Variants in PDE7B observed in about 807,000 individuals in gnomAD.
PDE7B encodes phosphodiesterase 7B.
In PDE7B, 29 loss-of-function variants were observed where a neutral mutation model predicts 56.2. The observed-to-expected ratio is 0.52, with a 90% confidence interval of 0.38 to 0.70. PDE7B has a LOEUF of 0.70. Ranked by LOEUF, PDE7B falls within the 30% of genes least tolerant of loss-of-function variation. The pLI is 0.00. For synonymous variants in PDE7B, 197 were observed against 196.9 expected (o/e 1.00, Z 0.00); for missense variants, 490 against 565.0 (o/e 0.87, Z 1.35).
At chr6:136,032,893 C>A (rs140100794) in intron 2 of PDE7B, among the ~76,000 whole-genome samples, 86 of 152,184 alleles carry the variant, frequency 5.7e-4, no homozygotes, top group African/African-American at 2.0e-3. Context: ...TAGATAAGGC[C>A]CCAAATTTGG....
At chr6:136,121,982 T>C (rs1436871311) in intron 3 of PDE7B, among the ~76,000 whole-genome samples, 1 of 152,140 alleles carries the variant, frequency 6.6e-6, no homozygotes, top group Non-Finnish European at 1.5e-5. Flanking sequence ...AGTGATGGTC[T>C]TGAATGCCAA....
chr6:136,163,299 A>C (rs530845622), intron 8 of PDE7B, among the ~76,000 whole-genome samples: 2 of 151,474 alleles, frequency 1.3e-5, no homozygotes, highest in South Asian at 4.2e-4. Flanking sequence ...ACTCAACACC[A>C]TGTGGAAGTC....
At chr6:135,892,686 C>T (rs373224544) in intron 1 of PDE7B, among the ~76,000 whole-genome samples, 16 of 152,252 alleles carry the variant, frequency 1.1e-4, no homozygotes, top group African/African-American at 3.6e-4. Context: ...AATTGATTGA[C>T]ATCTAACATG....
rs565607512 is a variant in PDE7B, at chr6:136,106,509, T to C, written c.83-2222T>C. ...CACTGACTATAAGCTGAAAGCACCATAAACTTAGGCAGCTCAATTAAAGTC... is the reference window on the plus strand; with the variant it reads ...CACTGACTATAAGCTGAAAGCACCACAAACTTAGGCAGCTCAATTAAAGTC... On this transcript the variant is annotated intron_variant, in intron 2 of 12. Coordinates refer to ENST00000308191, the MANE Select transcript of PDE7B (RefSeq NM_018945.4). 2.8e-4 allele frequency among the ~76,000 whole-genome samples: 42 copies of C among 152,284 alleles called. 1 individual carries two copies. The highest frequency in any genetic ancestry group is 9.9e-4 in the African/African-American group (41 of 41,544).
chr6:136,144,077 CATAGGA>C (rs1444854989), intron 3 of PDE7B, among the ~76,000 whole-genome samples: 9 of 151,982 alleles, frequency 5.9e-5, no homozygotes, highest in Non-Finnish European at 1.5e-5. Context: ...TTATACGTAA[CATAGGA>C]ATAATTTATT....
intron 1 of PDE7B, among the ~76,000 whole-genome samples, chr6:135,860,583 GTTAC>G (rs1775126632): frequency 6.6e-6 from 1 of 151,990 alleles, no homozygotes; most frequent in Non-Finnish European, 1.5e-5. Flanking sequence ...CCATGAAGAA[GTTAC>G]TTAATCTCTC....
In PDE7B at chr6:136,155,508, G is replaced by A. The variant is rs1318429586; in HGVS notation, c.580-119G>A. 1.5e-5 allele frequency: 12 copies of A among 808,906 alleles called. No individual in the cohort carries two copies. In the Admixed American group the frequency reaches 2.8e-4, roughly 19 times the overall value. The allele number at this position is 808,906 out of a possible 1,614,324, so 50.1% of individuals were successfully genotyped here. A position where few individuals can be genotyped will look rare whatever the true frequency, so the allele number is the denominator to read the frequency against. ...TCATTTAATGCTTCAAAGGGTAAAG[G>A]TCTGGCTGATAGGCTTAAACAATGC... On this transcript the variant is annotated intron_variant, in intron 7 of 12. Transcript: ENST00000308191.
At position 136,043,575 on chromosome 6, in the gene PDE7B, CAAA is replaced by C. The variant is rs34337621; in HGVS notation, c.83-65138_83-65136del. Among the ~76,000 whole-genome samples the C allele has an allele frequency of 2.2e-4, 23 of 106,856 alleles. No homozygotes were observed. In the South Asian group the frequency reaches 2.8e-3, roughly 13 times the overall value. The allele number at this position is 106,856 out of a possible 152,430, so 70.1% of individuals were successfully genotyped here. A position where few individuals can be genotyped will look rare whatever the true frequency, so the allele number is the denominator to read the frequency against. ...TTGTCGGGATTAAATGACATAATAG[CAAA>C]AAAAAAAAAAAAAAAAAGTGCCTAG... On this transcript the variant is annotated intron_variant, in intron 2 of 12. Coordinates refer to ENST00000308191, the MANE Select transcript of PDE7B (RefSeq NM_018945.4).
intron 2 of PDE7B, among the ~76,000 whole-genome samples, chr6:135,982,129 T>C (rs115472547): frequency 0.013 from 2,034 of 152,302 alleles, 66 homozygotes; most frequent in African/African-American, 0.046. Context: ...TCTAGGTCCA[T>C]GTCATACTCT....
At chr6:136,118,227 G>A (rs922771260) in intron 3 of PDE7B, among the ~76,000 whole-genome samples, 1 of 152,080 alleles carries the variant, frequency 6.6e-6, no homozygotes, top group African/African-American at 2.4e-5. Flanking sequence ...TATGTCCTTT[G>A]TGAAGCCTTC....
Position 135,955,302 on chromosome 6 carries a change from G to A in PDE7B, c.82+7778G>A, listed in dbSNP as rs116747655. ...CGGGAAGGGGAAGGGGAAGGGTGGA[G>A]TGGCATCAGGAAAGACCTTGTGCAA... On this transcript the variant is annotated intron_variant, in intron 2 of 12. Coordinates refer to ENST00000308191, the MANE Select transcript of PDE7B (RefSeq NM_018945.4). Among the ~76,000 whole-genome samples the A allele has an allele frequency of 6.6e-3, 998 of 152,030 alleles. 9 individuals are homozygous for A. The highest frequency in any genetic ancestry group is 0.023 in the African/African-American group (942 of 41,454).
intron 2 of PDE7B, among the ~76,000 whole-genome samples, chr6:135,977,961 T>G (rs1243792532): frequency 6.6e-6 from 1 of 152,178 alleles, no homozygotes; most frequent in Admixed American, 6.5e-5. Context: ...GTGTATACTG[T>G]AATATACACA....
At chr6:135,856,242 C>T (rs1042015468) in intron 1 of PDE7B, among the ~76,000 whole-genome samples, 1 of 152,138 alleles carries the variant, frequency 6.6e-6, no homozygotes, top group Non-Finnish European at 1.5e-5. Context: ...CACCTCTCCT[C>T]GCTCCATTTC....
intron 1 of PDE7B, among the ~76,000 whole-genome samples, chr6:135,935,198 A>ATATATT (rs1562445479): frequency 2.5e-5 from 2 of 80,164 alleles, no homozygotes; most frequent in African/African-American, 1.4e-4. Context: ...ATTTATATAT[A>ATATATT]TATATATATA....
At chr6:136,070,505 T>A (rs1173233744) in intron 2 of PDE7B, among the ~76,000 whole-genome samples, 1 of 151,818 alleles carries the variant, frequency 6.6e-6, no homozygotes, top group Admixed American at 6.6e-5. Context: ...GTCTCATGAA[T>A]AACAATATTG....
intron 2 of PDE7B, among the ~76,000 whole-genome samples, chr6:135,948,896 T>TAGATAGAC (rs1774641257): frequency 4.7e-5 from 3 of 63,228 alleles, no homozygotes; most frequent in Admixed American, 1.6e-4. Flanking sequence ...GATAGATAGA[T>TAGATAGAC]AGACAGACAG....
chr6:136,191,013 C>CTTTTTTTTTTTTTTTTTTTTTTTTTT (rs752187218), intron 12 of PDE7B, among the ~76,000 whole-genome samples: 4 of 99,302 alleles, frequency 4.0e-5, no homozygotes, highest in East Asian at 3.0e-4. Context: ...CCAGCATACA[C>CTTTTTTTTTTTTTTTTTTTTTTTTTT]TTTTTTTTTT....
At chr6:136,144,608 AT>A (rs768945836) in intron 3 of PDE7B, among the ~76,000 whole-genome samples, 1 of 152,088 alleles carries the variant, frequency 6.6e-6, no homozygotes. Context: ...CATTTATGAC[AT>A]TTTTTCTGAT....
intron 1 of PDE7B, among the ~76,000 whole-genome samples, chr6:135,871,069 G>A (rs1775370442): frequency 6.6e-6 from 1 of 152,138 alleles, no homozygotes. Context: ...CTGATGACAG[G>A]AATTTTCCAT....
Sources: allele counts gnomAD v4.1 joint callset (sites outside exome capture counted in the v4.1 genomes callset), GRCh38; gene constraint gnomAD v4.1.1; transcripts MANE v1.5; gene names NCBI Gene and HGNC (gene_info 2026-07-23, HGNC 2026-07-21).